The following GALNT13 variants were observed in gnomAD, a reference collection of about 807,000 sequenced individuals.
The protein encoded by GALNT13 is polypeptide N-acetylgalactosaminyltransferase 13.
GALNT13 carries 28 observed loss-of-function variants against 64.2 expected under a neutral mutation model. The observed-to-expected ratio is 0.44, with a 90% CI of 0.32 to 0.60. The LOEUF (loss-of-function observed/expected upper bound fraction) is 0.60. Ranked by LOEUF, GALNT13 falls within the 20% of genes least tolerant of loss-of-function variation. The pLI is 0.05. For synonymous variants in GALNT13, 214 were observed against 224.6 expected (o/e 0.95, Z 0.42); for missense variants, 577 against 669.8 (o/e 0.86, Z 1.53).
At chr2:153,869,036 C>T (rs1685808350), upstream of GALNT13, among the ~76,000 whole-genome samples, 1 of 151,998 alleles carries the variant, frequency 6.6e-6, no homozygotes, top group African/African-American at 2.4e-5. Context: ...TAACACATAC[C>T]CCTCACCAAA....
At chr2:153,763,953 C>T in the GALNT13 span, among the ~76,000 whole-genome samples, 1 of 152,128 alleles carries the variant, frequency 6.6e-6, no homozygotes, top group African/African-American at 2.4e-5. Context: ...TTCCTAGAGA[C>T]TTGGAGGGCT....
intron 4 of GALNT13, chr2:154,236,094 G>A (rs1427464053): frequency 8.5e-7 from 1 of 1,182,686 alleles, no homozygotes; most frequent in Non-Finnish European, 1.1e-6. Context: ...TGACAGAAGA[G>A]ATTGTAAAAG....
At chr2:153,629,140 G>T in the GALNT13 span, among the ~76,000 whole-genome samples, 1 of 151,880 alleles carries the variant, frequency 6.6e-6, no homozygotes. Flanking sequence ...GCATAGAGGT[G>T]TTTGTAGTAT....
the GALNT13 span, among the ~76,000 whole-genome samples, chr2:153,370,394 G>A: frequency 6.6e-6 from 1 of 152,028 alleles, no homozygotes; most frequent in African/African-American, 2.4e-5. Context: ...TGTCCCTCAT[G>A]AACCCAGATA....
chr2:153,221,629 C>A, the GALNT13 span, among the ~76,000 whole-genome samples: 1 of 152,152 alleles, frequency 6.6e-6, no homozygotes. Context: ...GGCAGGCTGC[C>A]CTTGGTTCTC....
At chr2:153,884,222 G>C (rs1358027884) in intron 1 of GALNT13, among the ~76,000 whole-genome samples, 1 of 151,990 alleles carries the variant, frequency 6.6e-6, no homozygotes, top group Non-Finnish European at 1.5e-5. Flanking sequence ...AAGTGACTTA[G>C]ATAATGGCTA....
At chr2:154,027,285 C>T (rs936055412) in intron 3 of GALNT13, among the ~76,000 whole-genome samples, 15 of 152,102 alleles carry the variant, frequency 9.9e-5, no homozygotes, top group African/African-American at 3.6e-4. Context: ...TTCTGTGTTA[C>T]ATTGCTTGTA....
chr2:153,547,044 G>T, the GALNT13 span, among the ~76,000 whole-genome samples: 1 of 152,290 alleles, frequency 6.6e-6, no homozygotes, highest in Non-Finnish European at 1.5e-5. Flanking sequence ...AATAACAAGT[G>T]GTTCCACTGT....
At chr2:153,636,715 G>A in the GALNT13 span, among the ~76,000 whole-genome samples, 2 of 151,998 alleles carry the variant, frequency 1.3e-5, no homozygotes, top group South Asian at 4.2e-4. Context: ...CTTTCCTAAT[G>A]CTGTGTACCA....
intron 1 of GALNT13, among the ~76,000 whole-genome samples, chr2:153,883,077 TTATATA>T (rs57783197): frequency 4.2e-5 from 6 of 144,220 alleles, no homozygotes; most frequent in East Asian, 2.0e-4. Flanking sequence ...TATATGTATA[TTATATA>T]TATATATATA....
At chr2:153,378,889 A>C in the GALNT13 span, among the ~76,000 whole-genome samples, 1 of 152,158 alleles carries the variant, frequency 6.6e-6, no homozygotes, top group Non-Finnish European at 1.5e-5. Flanking sequence ...GAGTGTTGGC[A>C]GACTATAGGC....
chr2:154,225,705 A>AAG (rs1419562831), intron 4 of GALNT13, among the ~76,000 whole-genome samples: 8 of 152,122 alleles, frequency 5.3e-5, no homozygotes, highest in African/African-American at 1.7e-4. Flanking sequence ...CGTGATATGG[A>AAG]AGCCTTCAGG....
chr2:153,955,934 A>G (rs925383897), intron 3 of GALNT13, among the ~76,000 whole-genome samples: 7 of 152,204 alleles, frequency 4.6e-5, no homozygotes, highest in Non-Finnish European at 8.8e-5. Flanking sequence ...CTACCGTAGC[A>G]TTGGTACAGG....
intron 8 of GALNT13, among the ~76,000 whole-genome samples, chr2:154,290,326 T>C (rs980313690): frequency 9.2e-5 from 14 of 152,174 alleles, no homozygotes; most frequent in African/African-American, 3.1e-4. Context: ...TAATGAGAGA[T>C]TGCAGAAATT....
chr2:153,620,943 G>A, the GALNT13 span, among the ~76,000 whole-genome samples: 1 of 152,006 alleles, frequency 6.6e-6, no homozygotes, highest in African/African-American at 2.4e-5. Flanking sequence ...CTTGGGTGTT[G>A]TGATCTAAGT....
intron 12 of GALNT13, among the ~76,000 whole-genome samples, chr2:154,448,306 C>T (rs941511295): frequency 6.6e-6 from 1 of 152,010 alleles, no homozygotes; most frequent in Non-Finnish European, 1.5e-5. Flanking sequence ...ACATAGTTAA[C>T]ATTTTTACCC....
At chr2:153,236,969 A>G in the GALNT13 span, among the ~76,000 whole-genome samples, 12 of 152,242 alleles carry the variant, frequency 7.9e-5, no homozygotes, top group Admixed American at 2.0e-4. Flanking sequence ...GGAGTCAAAT[A>G]TCACCATTAA....
intron 2 of GALNT13, among the ~76,000 whole-genome samples, chr2:153,907,625 A>C (rs1688666952): frequency 6.6e-6 from 1 of 151,866 alleles, no homozygotes; most frequent in African/African-American, 2.4e-5. Flanking sequence ...CTGATCACTT[A>C]GCCTCCACTT....
the GALNT13 span, among the ~76,000 whole-genome samples, chr2:153,273,990 T>C: frequency 8.5e-5 from 13 of 152,332 alleles, no homozygotes; most frequent in Admixed American, 8.5e-4. Context: ...TCCTTAGGAA[T>C]GTTCAGCAGA....
Sources: allele counts gnomAD v4.1 joint callset (sites outside exome capture counted in the v4.1 genomes callset), GRCh38; gene constraint gnomAD v4.1.1; transcripts MANE v1.5; gene names NCBI Gene and HGNC (gene_info 2026-07-23, HGNC 2026-07-21).